Variants in SPOPL observed in about 807,000 individuals in gnomAD.
SPOPL encodes speckle-type POZ protein-like.
In SPOPL, 23 loss-of-function variants were observed where a neutral mutation model predicts 53.8. The observed-to-expected ratio is 0.43, with a 90% CI of 0.31 to 0.61. The LOEUF is 0.61. Ranked by LOEUF, SPOPL falls within the 20% of genes least tolerant of loss-of-function variation. The pLI is 0.12. For missense variants in SPOPL, 442 were observed against 466.9 expected, an observed-to-expected ratio of 0.95 and a Z score of 0.49; for synonymous variants, 164 against 149.7, an observed-to-expected ratio of 1.10 and a Z score of -0.70.
At chr2:138,558,227 A>T (rs1685470637) in intron 5 of SPOPL, among the ~76,000 whole-genome samples, 1 of 152,172 alleles carries the variant, frequency 6.6e-6, no homozygotes, top group Non-Finnish European at 1.5e-5. Context: ...GTGTTTTAGG[A>T]TATTATTCAG....
At chr2:138,558,352 CA>C in intron 5 of SPOPL, among the ~76,000 whole-genome samples, 1 of 152,106 alleles carries the variant, frequency 6.6e-6, no homozygotes, top group South Asian at 2.1e-4. Context: ...TAAAAGTCTG[CA>C]AATCGAACTA....
At chr2:138,519,198 G>A (rs79007780) in intron 1 of SPOPL, among the ~76,000 whole-genome samples, 2 of 152,070 alleles carry the variant, frequency 1.3e-5, no homozygotes, top group Non-Finnish European at 2.9e-5. Flanking sequence ...ATTTTAGAAG[G>A]CATTAAATTA....
At chr2:138,521,551 T>G (rs1184458646) in intron 1 of SPOPL, among the ~76,000 whole-genome samples, 1 of 152,162 alleles carries the variant, frequency 6.6e-6, no homozygotes, top group East Asian at 1.9e-4. Flanking sequence ...GTTTAATTTT[T>G]AGTTGTTTTT....
At chr2:138,551,720 T>C (rs910164696) in intron 4 of SPOPL, among the ~76,000 whole-genome samples, 2 of 152,064 alleles carry the variant, frequency 1.3e-5, no homozygotes, top group South Asian at 4.1e-4. Context: ...AATGTATTGC[T>C]AAAATAATAT....
intron 1 of SPOPL, among the ~76,000 whole-genome samples, chr2:138,513,230 C>T (rs1558861303): frequency 6.6e-6 from 1 of 152,132 alleles, no homozygotes. Context: ...CTAGCCTGGA[C>T]AACATAGCAA....
chr2:138,551,512 T>G (rs1400514140), intron 4 of SPOPL, among the ~76,000 whole-genome samples: 1 of 152,004 alleles, frequency 6.6e-6, no homozygotes, highest in Non-Finnish European at 1.5e-5. Flanking sequence ...GCCATTTTTC[T>G]TAGTTTCAGG....
chr2:138,538,642 C>G (rs1382630848), intron 1 of SPOPL, among the ~76,000 whole-genome samples: 1 of 152,156 alleles, frequency 6.6e-6, no homozygotes, highest in Non-Finnish European at 1.5e-5. Context: ...TGTTGGATCA[C>G]TTCTTCAGTG....
At chr2:138,522,611 A>C (rs1332239329) in intron 1 of SPOPL, among the ~76,000 whole-genome samples, 1 of 151,990 alleles carries the variant, frequency 6.6e-6, no homozygotes, top group Non-Finnish European at 1.5e-5. Context: ...GTCCTTAGCC[A>C]ATTTTTTTTT....
chr2:138,524,650 A>G (rs755661621), intron 1 of SPOPL, among the ~76,000 whole-genome samples: 2 of 152,148 alleles, frequency 1.3e-5, no homozygotes, highest in Non-Finnish European at 2.9e-5. Flanking sequence ...ATCTCTCTCA[A>G]CTTCCAAGTT....
At chr2:138,568,902 T>G in intron 10 of SPOPL, 34 bp from the exon 11 acceptor site, 1 of 1,610,044 alleles carries the variant, frequency 6.2e-7, no homozygotes, top group Non-Finnish European at 8.5e-7. Context: ...TGAAAAGTAT[T>G]CTTTAGTAAA....
intron 1 of SPOPL, among the ~76,000 whole-genome samples, chr2:138,519,724 C>T (rs1684517302): frequency 6.6e-6 from 1 of 151,968 alleles, no homozygotes; most frequent in African/African-American, 2.4e-5. Context: ...TCTGGGAGGT[C>T]AAGGCTGAAG....
At position 138,571,388 on chromosome 2, in the gene SPOPL, A is replaced by T. The variant is rs566518071; in HGVS notation, c.*2308A>T. The T allele has an allele frequency of 1.3e-5, 2 of 152,510 alleles. No homozygotes were observed. The highest frequency in any genetic ancestry group is 4.8e-5 in the African/African-American group (2 of 41,418). The allele number at this position is 152,510 out of a possible 1,614,324, so 9.4% of individuals were successfully genotyped here. A position where few individuals can be genotyped will look rare whatever the true frequency, so the allele number is the denominator to read the frequency against. On this transcript the variant is annotated 3_prime_UTR_variant, in exon 11 of 11. Coordinates refer to ENST00000280098, the MANE Select transcript of SPOPL (RefSeq NM_001001664.3). ...TATTGCAAATCTTAAGGATTTTATTATAAAGATTTTTTTTTTAGTTTGGTA... is the reference window on the plus strand; with the variant it reads ...TATTGCAAATCTTAAGGATTTTATTTTAAAGATTTTTTTTTTAGTTTGGTA...
At position 138,565,735 on chromosome 2, in the gene SPOPL, A is replaced by AT. The variant is rs1191604759; in HGVS notation, c.1034+758dup. ...CAAAAGTTGATAAAAGAAAGTGGGAATTTTTTTTTTTTTTTTGAGACAGAG... is the reference window on the plus strand; with the variant it reads ...CAAAAGTTGATAAAAGAAAGTGGGAATTTTTTTTTTTTTTTTTGAGACAGAG... On this transcript the variant is annotated intron_variant, in intron 10 of 10. Transcript: ENST00000280098. 9.6e-3 allele frequency among the ~76,000 whole-genome samples: 1,369 copies of AT among 142,916 alleles called. 8 individuals carry two copies. The highest frequency in any genetic ancestry group is 0.024 in the African/African-American group (925 of 39,114). The allele number at this position is 142,916 out of a possible 152,430, so 93.8% of individuals were successfully genotyped here.
chr2:138,547,961 A>C (rs191121402), intron 1 of SPOPL, among the ~76,000 whole-genome samples: 107 of 152,304 alleles, frequency 7.0e-4, no homozygotes, highest in East Asian at 3.5e-3. Flanking sequence ...TTTTCCATGT[A>C]TTAATAGTGC....
intron 1 of SPOPL, among the ~76,000 whole-genome samples, chr2:138,515,429 C>T (rs1684417466): frequency 6.6e-6 from 1 of 152,174 alleles, no homozygotes; most frequent in Admixed American, 6.5e-5. Flanking sequence ...TCTCAATTTT[C>T]AGAACTTGAA....
At position 138,559,118 on chromosome 2, in the gene SPOPL, C is replaced by G; in HGVS notation, c.577C>G (p.Leu193Val). The G allele has an allele frequency of 6.2e-7, 1 of 1,613,722 alleles. No individual in the cohort carries two copies. The highest frequency in any genetic ancestry group is 2.2e-5 in the East Asian group (1 of 44,798). Reference protein sequence around the residue: ...ECRLAEDLGNLWENTRFTDCS... With the variant: ...ECRLAEDLGNVWENTRFTDCS... Reference sequence around the variant, plus strand: ...TCGTCTAGCAGAAGATTTAGGTAATCTCTGGGAAAACACAAGATTTACAGA... The same window carrying G: ...TCGTCTAGCAGAAGATTTAGGTAATGTCTGGGAAAACACAAGATTTACAGA... Residue 193 changes from leucine (L) to valine (V), a missense_variant, in exon 6 of 11, where the codon CTC becomes GTC. By Grantham distance (32) the Leu-to-Val change is conservative (BLOSUM62 1). Transcript: ENST00000280098.
At chr2:138,530,523 A>G (rs1558868050) in intron 1 of SPOPL, among the ~76,000 whole-genome samples, 1 of 152,138 alleles carries the variant, frequency 6.6e-6, no homozygotes, top group Non-Finnish European at 1.5e-5. Flanking sequence ...GCTTACCTGT[A>G]CTTTCTCTTA....
At chr2:138,524,057 C>A (rs1019036517) in intron 1 of SPOPL, among the ~76,000 whole-genome samples, 8 of 152,214 alleles carry the variant, frequency 5.3e-5, no homozygotes, top group Non-Finnish European at 7.3e-5. Context: ...GAGAGCCCCA[C>A]CCCTGCAGCA....
chr2:138,508,893 G>A (rs779030375), intron 1 of SPOPL, among the ~76,000 whole-genome samples: 2 of 151,864 alleles, frequency 1.3e-5, no homozygotes, highest in Non-Finnish European at 2.9e-5. Flanking sequence ...ATTTATTATG[G>A]CTCTTACAGG....
Sources: gnomAD v4.1 joint callset for allele counts (sites outside exome capture counted in the v4.1 genomes callset) on GRCh38, gnomAD v4.1.1 for gene constraint, MANE v1.5 for transcripts, NCBI Gene and HGNC (gene_info 2026-07-23, HGNC 2026-07-21) for gene names.